The following CRACR2A variants were observed in gnomAD, a reference collection of about 807,000 sequenced individuals.
CRACR2A encodes the protein EF-hand calcium-binding domain-containing protein 4B.
In CRACR2A, 79 loss-of-function variants were observed where a neutral mutation model predicts 90.5. The ratio of observed to expected loss-of-function variants is 0.87; its 90% CI spans 0.73 to 1.05. CRACR2A has a LOEUF of 1.05. CRACR2A is among the 50% of genes least tolerant of loss of function. The pLI, the probability that CRACR2A is intolerant of heterozygous loss-of-function variation, is 0.00. For synonymous variants in CRACR2A, 338 were observed against 356.7 expected (o/e 0.95, Z 0.59); for missense variants, 823 against 897.2 (o/e 0.92, Z 1.06).
intron 1 of CRACR2A, among the ~76,000 whole-genome samples, chr12:3,745,274 T>C (rs1243357404): frequency 1.3e-5 from 2 of 152,120 alleles, no homozygotes; most frequent in Non-Finnish European, 2.9e-5. Context: ...TGCTGAACAA[T>C]GTGTTATCCC....
At position 3,673,548 on chromosome 12, in the gene CRACR2A, TC is replaced by T; in HGVS notation, c.568del (p.Glu190AsnfsTer12). On this transcript the variant is annotated frameshift_variant, in exon 7 of 20. Transcript: ENST00000440314. LOFTEE classifies it high-confidence loss of function. ...TTCAAAGTTGGACAGTAAATGAGGT[TC>T]CTCCTTCTTCAGCTGCAACCAGAGC... is the stretch of plus-strand genomic sequence containing the variant. The part of the protein sequence containing the change: ...KQLWLQLKKE[E>X]PHLLSNFEDF... 1 of 1,614,006 alleles carries T rather than the reference TC, an allele frequency of 6.2e-7. No individual in the cohort carries two copies. Among genetic ancestry groups the T allele is most frequent in the Non-Finnish European group, 8.5e-7 (1 of 1,180,018 alleles).
chr12:3,718,618 T>G lies in CRACR2A; in HGVS notation c.-117-5301A>C, dbSNP rs1019914710. The stretch of plus-strand genomic sequence containing the variant: ...AAGATCTCGTTAATAATTTTTAGAG[T>G]GACTGCATGCTGAAATGATTATATG... On this transcript the variant is annotated intron_variant, in intron 2 of 19. Transcript: ENST00000440314. Among the ~76,000 whole-genome samples, 4 of 152,202 alleles carry G rather than the reference T, an allele frequency of 2.6e-5. No individual in the cohort carries two copies. In the East Asian group the frequency reaches 7.7e-4, roughly 29 times the overall value.
At chr12:3,716,072 T>G (rs1946078204) in intron 2 of CRACR2A, among the ~76,000 whole-genome samples, 1 of 151,994 alleles carries the variant, frequency 6.6e-6, no homozygotes, top group South Asian at 2.1e-4. Context: ...TTTTTTTTTT[T>G]CTTTTTAGGT....
chr12:3,665,242 C>T (rs1945111003), intron 7 of CRACR2A, among the ~76,000 whole-genome samples: 1 of 152,174 alleles, frequency 6.6e-6, no homozygotes, highest in Non-Finnish European at 1.5e-5. Context: ...ATTTATCCTC[C>T]CCGTCCTTTT....
In CRACR2A at chr12:3,733,872, G is replaced by GACAC. The variant is rs56412036; in HGVS notation, c.-386-666_-386-663dup. Reference sequence around the variant, plus strand: ...AACCACAACATTCCCAAATTTTCAGGACACACACACACACACACACACACA... The same window carrying GACAC: ...AACCACAACATTCCCAAATTTTCAGGACACACACACACACACACACACACACACA... On this transcript the variant is annotated intron_variant, in intron 1 of 19. Transcript: ENST00000440314. Among the ~76,000 whole-genome samples, 1,071 of 136,162 alleles carry GACAC rather than the reference G, an allele frequency of 7.9e-3. 7 individuals carry two copies. Among genetic ancestry groups the GACAC allele is most frequent in the African/African-American group, 0.02 (712 of 36,112 alleles). 89.3% of individuals were successfully genotyped at this position (136,162 alleles called of 152,430 possible).
intron 15 of CRACR2A, among the ~76,000 whole-genome samples, chr12:3,631,051 G>A (rs1024776860): frequency 2.0e-5 from 3 of 152,180 alleles, no homozygotes; most frequent in Non-Finnish European, 4.4e-5. Context: ...TGACTCTGTG[G>A]CTGTTATATC....
chr12:3,691,275 C>G (rs551296066), intron 4 of CRACR2A, among the ~76,000 whole-genome samples: 39 of 152,308 alleles, frequency 2.6e-4, no homozygotes, highest in Admixed American at 2.3e-3. Context: ...TTTGTAGTGG[C>G]TGGTAACAGT....
intron 2 of CRACR2A, chr12:3,728,538 T>A (rs1458485745): frequency 6.6e-6 from 1 of 152,234 alleles, no homozygotes. Flanking sequence ...ACTTCAGAGA[T>A]CAAGTGGAAT....
At chr12:3,699,458 A>G (rs1044455517) in intron 3 of CRACR2A, among the ~76,000 whole-genome samples, 2 of 152,154 alleles carry the variant, frequency 1.3e-5, no homozygotes, top group African/African-American at 4.8e-5. Flanking sequence ...AATAATGGTG[A>G]CTGATAGTTG....
chr12:3,629,850 G>A (rs1290126340), intron 15 of CRACR2A, among the ~76,000 whole-genome samples: 3 of 14,412 alleles, frequency 2.1e-4, no homozygotes, highest in Admixed American at 8.8e-4. Flanking sequence ...AAAAGACAAG[G>A]GGGGGGGGGG....
At chr12:3,621,671 A>C (rs866624727) in intron 17 of CRACR2A, among the ~76,000 whole-genome samples, 6 of 145,302 alleles carry the variant, frequency 4.1e-5, no homozygotes, top group Non-Finnish European at 7.5e-5. Context: ...AAAAAAAAAA[A>C]AAAAAAAAAA....
At chr12:3,638,857 G>C (rs890486834) in intron 13 of CRACR2A, among the ~76,000 whole-genome samples, 3 of 152,194 alleles carry the variant, frequency 2.0e-5, no homozygotes, top group African/African-American at 7.2e-5. Flanking sequence ...GAAGAAACGT[G>C]TCTCAGACTC....
In CRACR2A at chr12:3,746,210, A is replaced by G. The variant is rs568500309; in HGVS notation, c.-387+6805T>C. 6.6e-6 allele frequency among the ~76,000 whole-genome samples: 1 copy of G among 152,272 alleles called. No homozygotes were observed. The highest frequency in any genetic ancestry group is 2.4e-5 in the African/African-American group (1 of 41,548). ...CTATGAGCTAAATTATGTCCCCCCG[A>G]CAATTCATATGTTGAAGCCCTAACT... is the stretch of plus-strand genomic sequence containing the variant. On this transcript the variant is annotated intron_variant, in intron 1 of 19. Transcript: ENST00000440314. This position sits in a 1 kb window ranked among gnomAD's most constrained non-coding sequence, Gnocchi z 4.4.
At chr12:3,629,036 C>T (rs1467916316) in intron 15 of CRACR2A, among the ~76,000 whole-genome samples, 1 of 152,154 alleles carries the variant, frequency 6.6e-6, no homozygotes, top group Non-Finnish European at 1.5e-5. Context: ...AGTGATTTCT[C>T]CCATTAATAG....
chr12:3,715,799 C>T (rs753442475), intron 2 of CRACR2A, among the ~76,000 whole-genome samples: 3 of 152,196 alleles, frequency 2.0e-5, no homozygotes, highest in Non-Finnish European at 4.4e-5. Context: ...CCATATAGTC[C>T]ATCCCTAAAG....
At chr12:3,673,831 C>T (rs567312246) in intron 6 of CRACR2A, among the ~76,000 whole-genome samples, 4 of 152,272 alleles carry the variant, frequency 2.6e-5, no homozygotes, top group East Asian at 1.9e-4. Flanking sequence ...TTACAGATGA[C>T]GAAGCAGGTG....
At position 3,683,905 on chromosome 12, in the gene CRACR2A, C is replaced by A. The variant is rs1382452033; in HGVS notation, c.229-3556G>T. On this transcript the variant is annotated intron_variant, in intron 4 of 19. Transcript: ENST00000440314. ...ACACTCCAGAACCTGACCAGCCCAA[C>A]TGCTAATTCTCAGCAAGACTCATAG... 2.0e-5 allele frequency among the ~76,000 whole-genome samples: 3 copies of A among 152,192 alleles called. No homozygotes were observed. In the East Asian group the frequency reaches 5.8e-4, roughly 29 times the overall value.
In CRACR2A at chr12:3,644,640, C is replaced by T. The variant is rs1018172170; in HGVS notation, c.1119G>A (p.Arg373=). The T allele has an allele frequency of 7.7e-6, 12 of 1,551,492 alleles. No individual in the cohort carries two copies. The highest frequency in any genetic ancestry group is 9.6e-6 in the Non-Finnish European group (11 of 1,146,970). Residue 373 remains arginine, a splice_region_variant and synonymous_variant, in exon 12 of 20, where the codon AGG becomes AGA. Coordinates refer to ENST00000440314, the MANE Select transcript of CRACR2A (RefSeq NM_001144958.2). Reference sequence around the variant, plus strand: ...CATCCCGAAGGTGCTTGTTCCTTTCCCTGTGGATGGTAAAGGGGAATCTAT... The same window carrying T: ...CATCCCGAAGGTGCTTGTTCCTTTCTCTGTGGATGGTAAAGGGGAATCTAT... The part of the protein sequence containing the change: ...AGLLKQLDFL[R]ERNKHLRDER...
chr12:3,657,492 A>C (rs1342342079), intron 8 of CRACR2A, among the ~76,000 whole-genome samples: 1 of 152,140 alleles, frequency 6.6e-6, no homozygotes, highest in Non-Finnish European at 1.5e-5. Flanking sequence ...CTCCATTCAA[A>C]GGCGCAGGAT....
Sources: gnomAD v4.1 joint callset for allele counts (sites outside exome capture counted in the v4.1 genomes callset) on GRCh38, gnomAD v4.1.1 for gene constraint, Gnocchi (gnomAD v3.1) non-coding constraint, MANE v1.5 for transcripts, NCBI Gene and HGNC (gene_info 2026-07-23, HGNC 2026-07-21) for gene names.